The following PRR16 variants were observed in gnomAD, a reference collection of about 807,000 sequenced individuals.
The protein encoded by PRR16 is protein Largen.
Under a neutral mutation model 18.2 loss-of-function variants are expected in PRR16, and 6 were observed. The ratio of observed to expected loss-of-function variants is 0.33; its 90% confidence interval spans 0.18 to 0.65. The LOEUF (loss-of-function observed/expected upper bound fraction) is 0.65. Among genes scored for constraint, PRR16 ranks in the 30% least tolerant of loss-of-function variants. The pLI, the probability that PRR16 is intolerant of heterozygous loss-of-function variation, is 0.74. For synonymous variants in PRR16, 151 were observed against 147.8 expected (o/e 1.02, Z -0.16); for missense variants, 412 against 376.6 (o/e 1.09, Z -0.78).
chr5:120,758,114 C>A, the PRR16 span, among the ~76,000 whole-genome samples: 1 of 151,900 alleles, frequency 6.6e-6, no homozygotes, highest in Non-Finnish European at 1.5e-5. Flanking sequence ...TATTTTTTCA[C>A]TGTAGGTATT....
chr5:120,758,688 C>G, the PRR16 span, among the ~76,000 whole-genome samples: 5 of 152,086 alleles, frequency 3.3e-5, no homozygotes, highest in Non-Finnish European at 7.4e-5. Context: ...ACGTGCCTTG[C>G]TTCCCCTTGG....
intron 1 of PRR16, among the ~76,000 whole-genome samples, chr5:120,565,876 T>A (rs1409559960): frequency 6.6e-6 from 1 of 152,248 alleles, no homozygotes; most frequent in Non-Finnish European, 1.5e-5. Flanking sequence ...TCTGTCACAG[T>A]ATTTGACACC....
chr5:120,576,223 T>C (rs1365274906), intron 1 of PRR16, among the ~76,000 whole-genome samples: 1 of 152,096 alleles, frequency 6.6e-6, no homozygotes, highest in African/African-American at 2.4e-5. Context: ...AGATAAACTA[T>C]GGACTGGGAG....
chr5:120,554,591 C>T (rs1471670276), intron 1 of PRR16, among the ~76,000 whole-genome samples: 1 of 151,814 alleles, frequency 6.6e-6, no homozygotes, highest in African/African-American at 2.4e-5. Context: ...GGGGACAAGG[C>T]TGGTCAGATG....
At chr5:120,489,912 A>G (rs375131959) in intron 1 of PRR16, among the ~76,000 whole-genome samples, 6 of 152,192 alleles carry the variant, frequency 3.9e-5, no homozygotes, top group Non-Finnish European at 4.4e-5. Flanking sequence ...CATTTATGAA[A>G]CTTAGTTTGG....
chr5:120,614,832 A>C (rs1026229470), intron 1 of PRR16, among the ~76,000 whole-genome samples: 1 of 152,320 alleles, frequency 6.6e-6, no homozygotes, highest in Admixed American at 6.5e-5. Context: ...CAGTACATGC[A>C]GAATTTGGCT....
At chr5:120,555,082 A>G (rs577043582) in intron 1 of PRR16, among the ~76,000 whole-genome samples, 47 of 152,108 alleles carry the variant, frequency 3.1e-4, no homozygotes, top group African/African-American at 1.0e-3. Flanking sequence ...TTCTTTCAAG[A>G]GAAACTTTTA....
intron 1 of PRR16, among the ~76,000 whole-genome samples, chr5:120,578,839 G>A (rs997410015): frequency 1.3e-5 from 2 of 152,138 alleles, no homozygotes; most frequent in Non-Finnish European, 2.9e-5. Flanking sequence ...TTCCACAAGG[G>A]TGGAACTAAT....
At chr5:120,493,561 A>G (rs979243855) in intron 1 of PRR16, among the ~76,000 whole-genome samples, 1 of 152,168 alleles carries the variant, frequency 6.6e-6, no homozygotes, top group East Asian at 1.9e-4. Flanking sequence ...CAGTGGTAAC[A>G]TCTTGAAAAA....
chr5:120,623,885 T>C (rs1371210751), intron 1 of PRR16, among the ~76,000 whole-genome samples: 1 of 151,988 alleles, frequency 6.6e-6, no homozygotes, highest in African/African-American at 2.4e-5. Context: ...TTAATGAGCT[T>C]GATTTAATCA....
intron 1 of PRR16, among the ~76,000 whole-genome samples, chr5:120,517,272 T>G (rs1412042405): frequency 6.6e-6 from 1 of 152,196 alleles, no homozygotes; most frequent in African/African-American, 2.4e-5. Flanking sequence ...AATCAATGCA[T>G]GAATTCAATT....
intron 1 of PRR16, among the ~76,000 whole-genome samples, chr5:120,591,263 T>C (rs1420685334): frequency 6.6e-6 from 1 of 151,500 alleles, no homozygotes; most frequent in African/African-American, 2.4e-5. Flanking sequence ...TGGGTGAGAG[T>C]GCGAGACACC....
chr5:120,715,937 C>G, the PRR16 span, among the ~76,000 whole-genome samples: 5 of 152,088 alleles, frequency 3.3e-5, no homozygotes, highest in Non-Finnish European at 5.9e-5. Flanking sequence ...AGAAAAATCT[C>G]TCTCCTTCAT....
the PRR16 span, among the ~76,000 whole-genome samples, chr5:120,746,046 C>T: frequency 7.9e-5 from 12 of 151,694 alleles, no homozygotes; most frequent in Non-Finnish European, 1.3e-4. Flanking sequence ...AGTTTGGAAG[C>T]GGTGAAATTT....
chr5:120,764,790 A>G, the PRR16 span, among the ~76,000 whole-genome samples: 2 of 152,090 alleles, frequency 1.3e-5, no homozygotes, highest in African/African-American at 2.4e-5. Context: ...ATTTCGTATT[A>G]ACATCAAGAA....
intron 1 of PRR16, among the ~76,000 whole-genome samples, chr5:120,486,382 G>C (rs992625941): frequency 1.3e-5 from 2 of 150,232 alleles, no homozygotes; most frequent in Non-Finnish European, 3.0e-5. Context: ...GTTTTGATTT[G>C]CATTTCTCTG....
chr5:120,470,183 A>G (rs924526404), intron 1 of PRR16, among the ~76,000 whole-genome samples: 1 of 152,190 alleles, frequency 6.6e-6, no homozygotes, highest in Non-Finnish European at 1.5e-5. Flanking sequence ...ATTTAGAGTA[A>G]TAAAATTCCA....
At chr5:120,720,859 G>T in the PRR16 span, among the ~76,000 whole-genome samples, 1 of 151,804 alleles carries the variant, frequency 6.6e-6, no homozygotes, top group African/African-American at 2.4e-5. Context: ...CCTTTTTGGG[G>T]TAAAAAGATG....
Position 120,490,057 on chromosome 5 carries a change from C to T in PRR16, c.159+25412C>T, listed in dbSNP as rs1304665393. Among the ~76,000 whole-genome samples, 24 of 152,058 alleles carry T rather than the reference C, an allele frequency of 1.6e-4. 1 individual carries two copies. Among genetic ancestry groups the T allele is most frequent in the Admixed American group, 8.5e-4 (13 of 15,262 alleles). On this transcript the variant is annotated intron_variant, in intron 1 of 1. Coordinates refer to ENST00000407149, the MANE Select transcript of PRR16 (RefSeq NM_001300783.2). ...GATGGGCTTCCCTTTGTGGGTAACCCGACCTTTCTCTCTGGCTGCCCTTAA... is the reference window on the plus strand; with the variant it reads ...GATGGGCTTCCCTTTGTGGGTAACCTGACCTTTCTCTCTGGCTGCCCTTAA...
Sources: allele counts gnomAD v4.1 joint callset (sites outside exome capture counted in the v4.1 genomes callset), GRCh38; gene constraint gnomAD v4.1.1; transcripts MANE v1.5; gene names NCBI Gene and HGNC (gene_info 2026-07-23, HGNC 2026-07-21).